Variants in PARP16 observed in about 807,000 individuals in gnomAD.
PARP16 encodes protein mono-ADP-ribosyltransferase PARP16.
A neutral mutation model predicts 35.0 loss-of-function variants in PARP16; 31 were observed. The observed-to-expected ratio is 0.88, with a 90% confidence interval of 0.66 to 1.19. The LOEUF is 1.19. Among genes scored for constraint, PARP16 ranks in the 50% most tolerant of loss-of-function variants. The probability of loss-of-function intolerance (pLI) is 0.00; values close to 1 mark genes in which losing one functional copy is unlikely to be tolerated. For synonymous variants in PARP16, 162 were observed against 169.5 expected (o/e 0.96, Z 0.34); for missense variants, 424 against 411.2 (o/e 1.03, Z -0.27).
chr15:65,249,969 G>A (rs575687749), intron 2 of PARP16, among the ~76,000 whole-genome samples: 5 of 152,172 alleles, frequency 3.3e-5, no homozygotes, highest in Non-Finnish European at 2.9e-5. Context: ...ACAGAGCAGA[G>A]CTCACAACCC....
chr15:65,239,848 G>A (rs1448315616), intron 3 of PARP16, among the ~76,000 whole-genome samples: 2 of 150,522 alleles, frequency 1.3e-5, no homozygotes, highest in Non-Finnish European at 3.0e-5. Context: ...AGTAGAGACA[G>A]GGTTTCACTG....
chr15:65,284,772 T>G (rs1470567566), intron 1 of PARP16, among the ~76,000 whole-genome samples: 1 of 151,360 alleles, frequency 6.6e-6, no homozygotes, highest in Non-Finnish European at 1.5e-5. Flanking sequence ...ACGTCCAGAG[T>G]TTTCTTTGAG....
chr15:65,260,276 A>G (rs547764318), intron 5 of PARP16, among the ~76,000 whole-genome samples: 67 of 152,264 alleles, frequency 4.4e-4, no homozygotes, highest in South Asian at 1.2e-3. Context: ...ACCATCATGG[A>G]TTCCAACAAT....
At chr15:65,241,085 C>A (rs1457242223) in intron 3 of PARP16, among the ~76,000 whole-genome samples, 1 of 151,042 alleles carries the variant, frequency 6.6e-6, no homozygotes, top group Non-Finnish European at 1.5e-5. Flanking sequence ...ATCTGCCCCC[C>A]TCAGCCTCCC....
rs2090602152 is a variant in PARP16, at chr15:65,286,483, T to G, written c.-57A>C. On this transcript the variant is annotated 5_prime_UTR_variant, in exon 1 of 6. Coordinates refer to ENST00000649807, the MANE Select transcript of PARP16 (RefSeq NM_001316943.2). ...CGCTGGTTAGGGGCAAGGGCGAGCG[T>G]GCGTTCAGCGCGGGGGCTGGGCCCG... 7.6e-7 allele frequency: 1 copy of G among 1,314,244 alleles called. No homozygotes were observed. 81.4% of individuals were successfully genotyped at this position (1,314,244 alleles called of 1,614,324 possible).
At chr15:65,267,889 C>T (rs1257117633) in intron 2 of PARP16, among the ~76,000 whole-genome samples, 2 of 151,570 alleles carry the variant, frequency 1.3e-5, no homozygotes, top group African/African-American at 4.8e-5. Flanking sequence ...GATGGGGTTT[C>T]ACCATCTTGG....
chr15:65,267,767 A>G (rs2089954420), intron 2 of PARP16, among the ~76,000 whole-genome samples: 1 of 126,934 alleles, frequency 7.9e-6, no homozygotes, highest in African/African-American at 3.0e-5. Context: ...GCTCACTGCA[A>G]CCTCTGCCCC....
rs985072250 is a variant in PARP16, at chr15:65,283,712, C to A, written c.174+2541G>T. Reference sequence around the variant, plus strand: ...CCTTGCTCTGGGCTTCCATGTTGTACGGCGCTTACCTAGTATGAGAGGTTA... The same window carrying A: ...CCTTGCTCTGGGCTTCCATGTTGTAAGGCGCTTACCTAGTATGAGAGGTTA... On this transcript the variant is annotated intron_variant, in intron 1 of 5. Transcript: ENST00000649807. 7.9e-5 allele frequency among the ~76,000 whole-genome samples: 12 copies of A among 152,248 alleles called. 1 individual carries two copies. The highest frequency in any genetic ancestry group is 2.4e-4 in the African/African-American group (10 of 41,544).
chr15:65,277,841 C>T (rs1481605888), intron 1 of PARP16, among the ~76,000 whole-genome samples: 2 of 152,182 alleles, frequency 1.3e-5, no homozygotes, highest in Non-Finnish European at 2.9e-5. Flanking sequence ...ACAACTGAGA[C>T]AGCTACTGGC....
chr15:65,254,094 T>G (rs578260759), downstream of PARP16, among the ~76,000 whole-genome samples: 2 of 151,966 alleles, frequency 1.3e-5, no homozygotes, highest in South Asian at 4.2e-4. Flanking sequence ...GCTGAGATTA[T>G]AGCCGTGAAC....
At chr15:65,245,969 G>A (rs1277292656) in intron 3 of PARP16, among the ~76,000 whole-genome samples, 1 of 152,128 alleles carries the variant, frequency 6.6e-6, no homozygotes, top group Non-Finnish European at 1.5e-5. Context: ...ATGACTCCCA[G>A]AGGGCCTTTT....
chr15:65,250,106 C>CTTTTTTTTTTTTTTT (rs1567013240), intron 2 of PARP16, among the ~76,000 whole-genome samples: 1 of 104,198 alleles, frequency 9.6e-6, no homozygotes, highest in Non-Finnish European at 1.9e-5. Context: ...CACCTGCTTG[C>CTTTTTTTTTTTTTTT]CTTTTTTTTT....
intron 3 of PARP16, among the ~76,000 whole-genome samples, chr15:65,245,142 G>A (rs2089174479): frequency 6.6e-6 from 1 of 152,208 alleles, no homozygotes; most frequent in African/African-American, 2.4e-5. Flanking sequence ...TCTGCTGCAG[G>A]GCTTTCAAAT....
intron 5 of PARP16, among the ~76,000 whole-genome samples, chr15:65,260,112 C>CTTT (rs2089653904): frequency 6.6e-6 from 1 of 152,068 alleles, no homozygotes; most frequent in Non-Finnish European, 1.5e-5. Flanking sequence ...TATACATTTC[C>CTTT]CAAATTTGGA....
At chr15:65,248,096 T>A (rs551242502) in intron 3 of PARP16, 2 of 449,980 alleles carry the variant, frequency 4.4e-6, no homozygotes, top group East Asian at 7.1e-5. Flanking sequence ...GAGCCACCGC[T>A]CCCGGCCGGA....
chr15:65,248,610 G>A (rs2089275290), intron 2 of PARP16, among the ~76,000 whole-genome samples: 5 of 152,152 alleles, frequency 3.3e-5, no homozygotes, highest in African/African-American at 1.2e-4. Context: ...AACCCACCCT[G>A]ATCTGCTCAG....
chr15:65,262,527 A>G (rs1378263682), intron 4 of PARP16, among the ~76,000 whole-genome samples: 1 of 152,168 alleles, frequency 6.6e-6, no homozygotes, highest in African/African-American at 2.4e-5. Flanking sequence ...CAAGGCAAAT[A>G]GTCTCAGGGA....
At chr15:65,277,201 G>A (rs903736772) in intron 1 of PARP16, among the ~76,000 whole-genome samples, 9 of 152,030 alleles carry the variant, frequency 5.9e-5, no homozygotes, top group Middle Eastern at 3.4e-3. Context: ...TGCTTCTGTG[G>A]CTGCCTACCA....
intron 3 of PARP16, among the ~76,000 whole-genome samples, chr15:65,247,520 T>A (rs1352909326): frequency 6.6e-6 from 1 of 152,152 alleles, no homozygotes; most frequent in African/African-American, 2.4e-5. Flanking sequence ...ACACAAGGCC[T>A]ATACAATTAA....
Sources: gnomAD v4.1 joint callset for allele counts (sites outside exome capture counted in the v4.1 genomes callset) on GRCh38, gnomAD v4.1.1 for gene constraint, MANE v1.5 for transcripts, NCBI Gene and HGNC (gene_info 2026-07-23, HGNC 2026-07-21) for gene names.